CHST3: variants seen among roughly 807,000 people sequenced by gnomAD.
CHST3 encodes C6ST-1.
A neutral mutation model predicts 35.4 loss-of-function variants in CHST3; 20 were observed. The observed-to-expected ratio is 0.57, with a 90% CI of 0.40 to 0.82. The LOEUF (loss-of-function observed/expected upper bound fraction) is 0.82. CHST3 is among the 40% of genes least tolerant of loss of function. The pLI is 0.00. For missense variants in CHST3, 693 were observed against 670.1 expected, an observed-to-expected ratio of 1.03 and a Z score of -0.38; for synonymous variants, 334 against 295.9, an observed-to-expected ratio of 1.13 and a Z score of -1.32.
chr10:71,997,468 T>C (rs1839951906), intron 1 of CHST3, among the ~76,000 whole-genome samples: 1 of 152,168 alleles, frequency 6.6e-6, no homozygotes, highest in Non-Finnish European at 1.5e-5. Context: ...TGCTCTCTCC[T>C]GGACCCTTGC....
intron 1 of CHST3, among the ~76,000 whole-genome samples, chr10:71,996,311 G>A (rs549670729): frequency 1.3e-5 from 2 of 152,286 alleles, no homozygotes; most frequent in Admixed American, 1.3e-4. Context: ...AAGACAATAA[G>A]CAAAAGCAAG....
intron 1 of CHST3, among the ~76,000 whole-genome samples, chr10:71,975,145 G>C (rs747080921): frequency 6.6e-6 from 1 of 152,202 alleles, no homozygotes; most frequent in Non-Finnish European, 1.5e-5. Context: ...TCAGACTGAC[G>C]GGCAGGCCCT....
intron 1 of CHST3, among the ~76,000 whole-genome samples, chr10:71,969,609 A>G (rs1236476624): frequency 6.6e-6 from 1 of 152,174 alleles, no homozygotes; most frequent in Admixed American, 6.5e-5. Flanking sequence ...CCTAGTGCTG[A>G]GCTGCAAAGA....
chr10:71,985,664 C>CT (rs976006147), intron 1 of CHST3, among the ~76,000 whole-genome samples: 5 of 152,006 alleles, frequency 3.3e-5, no homozygotes, highest in Admixed American at 6.6e-5. Flanking sequence ...GTTTTCTTTT[C>CT]TTTTTTTTCC....
chr10:71,972,846 G>A (rs1257683093), intron 1 of CHST3, among the ~76,000 whole-genome samples: 1 of 152,102 alleles, frequency 6.6e-6, no homozygotes, highest in East Asian at 1.9e-4. Flanking sequence ...ACCTTCTCCT[G>A]GAAGCCTGGG....
chr10:71,971,102 G>A lies in CHST3; in HGVS notation c.-108+6408G>A, dbSNP rs189252070. On this transcript the variant is annotated intron_variant, in intron 1 of 2. Coordinates refer to ENST00000373115, the MANE Select transcript of CHST3 (RefSeq NM_004273.5). ...TTTAAAACCAGGCACCCGGTTAGAA[G>A]GGGGAGAGCCAGGGCTTGGCAGCGG... 3.2e-4 allele frequency among the ~76,000 whole-genome samples: 49 copies of A among 152,310 alleles called. No individual in the cohort carries two copies. In the East Asian group the frequency reaches 8.3e-3, roughly 26 times the overall value.
chr10:71,975,017 G>A (rs1031981230), intron 1 of CHST3, among the ~76,000 whole-genome samples: 11 of 152,202 alleles, frequency 7.2e-5, no homozygotes, highest in African/African-American at 1.7e-4. Context: ...AGCCTGTGTC[G>A]AGCTTTTAGA....
chr10:71,979,649 C>T (rs1331082828), intron 1 of CHST3, among the ~76,000 whole-genome samples: 1 of 152,178 alleles, frequency 6.6e-6, no homozygotes, highest in Non-Finnish European at 1.5e-5. Context: ...GATGGACTCT[C>T]AGCTTTGAAT....
intron 1 of CHST3, among the ~76,000 whole-genome samples, chr10:71,978,462 C>T (rs1435907631): frequency 6.6e-6 from 1 of 152,146 alleles, no homozygotes; most frequent in Non-Finnish European, 1.5e-5. Context: ...CCAGGCTTCC[C>T]CGGACAATAT....
In CHST3 at chr10:72,007,792, C is replaced by T; in HGVS notation, c.761C>T (p.Pro254Leu). ...KYHCKNRRCG[P>L]LNVTLAAEAC... ...CACTGCAAGAACCGCCGCTGCGGCC[C>T]CCTCAACGTGACGCTGGCCGCAGAG... is the stretch of plus-strand genomic sequence containing the variant. Residue 254 changes from proline (P) to leucine (L), a missense_variant, in exon 3 of 3, where the codon CCC (proline) becomes CTC (leucine). Physicochemically the swap from Pro to Leu is moderately conservative, Grantham distance 98 (BLOSUM62 -3). Transcript: ENST00000373115. 5 of 1,601,832 alleles carry T rather than the reference C, an allele frequency of 3.1e-6. No individual in the cohort carries two copies. The highest frequency in any genetic ancestry group is 4.2e-6 in the Non-Finnish European group (5 of 1,179,680).
At chr10:71,986,524 C>T (rs2131750239) in intron 1 of CHST3, among the ~76,000 whole-genome samples, 1 of 152,350 alleles carries the variant, frequency 6.6e-6, no homozygotes, top group South Asian at 2.1e-4. Flanking sequence ...CCAGGCAGCC[C>T]CTTCCCATCT....
In CHST3 at chr10:72,008,367, C is replaced by T. The variant is rs1471858675; in HGVS notation, c.1336C>T (p.Pro446Ser). 6.4e-7 allele frequency: 1 copy of T among 1,566,652 alleles called. No individual in the cohort carries two copies. Among genetic ancestry groups the T allele is most frequent in the Non-Finnish European group, 8.6e-7 (1 of 1,156,596 alleles). ...CCAGGTGGTGCAGGCCGCCTGCGGC[C>T]CTGCCATGCGCCTCTTCGGCTACAA... ...LAQVVQAACG[P>S]AMRLFGYKLA... The change falls in exon 3 of 3, where the codon CCT (proline) becomes TCT (serine). Residue 446 changes from proline (P) to serine (S), a missense_variant. By Grantham distance (74) the Pro-to-Ser change is moderately conservative. Coordinates refer to ENST00000373115, the MANE Select transcript of CHST3 (RefSeq NM_004273.5).
chr10:71,985,013 C>T (rs1210629654), intron 1 of CHST3, among the ~76,000 whole-genome samples: 1 of 152,264 alleles, frequency 6.6e-6, no homozygotes, highest in African/African-American at 2.4e-5. Context: ...TCTTCTCCTC[C>T]TTCCTGCCGC....
Position 72,007,340 on chromosome 10 carries a change from G to A in CHST3, c.309G>A (p.Val103=), listed in dbSNP as rs780276124. 1 of 1,610,020 alleles carries A rather than the reference G, an allele frequency of 6.2e-7. No homozygotes were observed. The highest frequency in any genetic ancestry group is 1.1e-5 in the South Asian group (1 of 90,428). ...RLRNLSLQLG[V]EPAMEAAGEE... ...GCAACCTCAGCTTGCAGCTGGGCGT[G>A]GAGCCAGCCATGGAGGCCGCAGGGG... Residue 103 remains valine, a synonymous_variant, in exon 3 of 3, where the codon GTG becomes GTA. Transcript: ENST00000373115.
At chr10:71,975,964 G>A (rs765135849) in intron 1 of CHST3, among the ~76,000 whole-genome samples, 45 of 152,218 alleles carry the variant, frequency 3.0e-4, no homozygotes, top group Admixed American at 1.4e-3. Context: ...GAGCTCCCGC[G>A]GTAGAACCGA....
At chr10:72,000,444 A>C (rs1012175692) in intron 1 of CHST3, among the ~76,000 whole-genome samples, 6 of 152,108 alleles carry the variant, frequency 3.9e-5, no homozygotes, top group African/African-American at 1.4e-4. Context: ...GGGGTGGCCC[A>C]CATTAGGTCA....
At chr10:71,971,660 T>C (rs1305531875) in intron 1 of CHST3, among the ~76,000 whole-genome samples, 1 of 152,226 alleles carries the variant, frequency 6.6e-6, no homozygotes, top group African/African-American at 2.4e-5. Flanking sequence ...AGGAAATATT[T>C]TGAAAACACA....
intron 1 of CHST3, among the ~76,000 whole-genome samples, chr10:71,985,066 A>T (rs1839835053): frequency 6.6e-6 from 1 of 152,232 alleles, no homozygotes; most frequent in South Asian, 2.1e-4. Flanking sequence ...TGCCCCTTGC[A>T]AAGTCCAGTG....
chr10:71,987,525 T>G (rs1839859529), intron 1 of CHST3, among the ~76,000 whole-genome samples: 1 of 151,688 alleles, frequency 6.6e-6, no homozygotes, highest in Non-Finnish European at 1.5e-5. Context: ...ACCAGCCTGG[T>G]CCGCATGGTG....
Sources: allele counts gnomAD v4.1 joint callset (sites outside exome capture counted in the v4.1 genomes callset), GRCh38; gene constraint gnomAD v4.1.1; transcripts MANE v1.5; gene names NCBI Gene and HGNC (gene_info 2026-07-23, HGNC 2026-07-21).